Variants in CASK observed in about 807,000 individuals in gnomAD.
The protein encoded by CASK is peripheral plasma membrane protein CASK.
A neutral mutation model predicts 82.9 loss-of-function variants in CASK; 4 were observed. The observed-to-expected ratio is 0.05, with a 90% confidence interval of 0.02 to 0.11. The LOEUF is 0.11. Among genes scored for constraint, CASK ranks in the 10% least tolerant of loss-of-function variants. The pLI is 1.00. For missense variants in CASK, 358 were observed against 720.9 expected, an observed-to-expected ratio of 0.50 and a Z score of 5.76; for synonymous variants, 259 against 253.5, an observed-to-expected ratio of 1.02 and a Z score of -0.20.
intron 20 of CASK, among the ~76,000 whole-genome samples, chrX:41,554,699 ATTATT>A (rs930959743): frequency 9.0e-6 from 1 of 111,653 alleles, no homozygotes; most frequent in African/African-American, 3.3e-5. Context: ...CATTTTATGA[ATTATT>A]TTATTTTTTA....
At chrX:41,794,910 G>A (rs1318326622) in intron 2 of CASK, among the ~76,000 whole-genome samples, 3 of 112,226 alleles carry the variant, frequency 2.7e-5, no homozygotes, top group Non-Finnish European at 5.6e-5. Context: ...ACAAGGACAC[G>A]TTGACAGGAT....
chrX:41,759,056 A>G (rs1363691544), intron 3 of CASK, among the ~76,000 whole-genome samples: 4 of 112,019 alleles, frequency 3.6e-5, no homozygotes, highest in African/African-American at 1.3e-4. Flanking sequence ...AGTTTTTTCA[A>G]TTTTTGTTAA....
intron 8 of CASK, among the ~76,000 whole-genome samples, chrX:41,654,520 A>C (rs1165546382): frequency 9.1e-6 from 1 of 110,140 alleles, no homozygotes; most frequent in Admixed American, 9.7e-5. Flanking sequence ...AAAATACAAA[A>C]AAATTAGCCA....
chrX:41,802,263 AG>A lies in CASK; in HGVS notation c.173-14981del, dbSNP rs201384021. ...ATAATAGTTTAAAAGAAAAACATTC[AG>A]AAAAAAGTCCTTGAAAATAAAAAAT... On this transcript the variant is annotated intron_variant, in intron 2 of 26. Coordinates refer to ENST00000378163, the MANE Select transcript of CASK (RefSeq NM_001367721.1). Among the ~76,000 whole-genome samples the A allele has an allele frequency of 6.3e-4, 71 of 111,855 alleles. 1 individual carries two copies. In the East Asian group the frequency reaches 0.019, roughly 30 times the overall value.
At chrX:41,603,737 ACAG>A (rs1392887887) in intron 12 of CASK, among the ~76,000 whole-genome samples, 1 of 112,051 alleles carries the variant, frequency 8.9e-6, no homozygotes, top group African/African-American at 3.2e-5. Flanking sequence ...TACTATGGAA[ACAG>A]CAGTGCGTAA....
At chrX:41,600,539 A>G (rs962865479) in intron 12 of CASK, among the ~76,000 whole-genome samples, 1 of 112,421 alleles carries the variant, frequency 8.9e-6, no homozygotes, top group Admixed American at 9.4e-5. Flanking sequence ...TAAAAAGAGA[A>G]TGGCACTCAG....
At chrX:41,746,556 T>G (rs192203057) in intron 3 of CASK, among the ~76,000 whole-genome samples, 6 of 111,112 alleles carry the variant, frequency 5.4e-5, no homozygotes, top group African/African-American at 2.0e-4. Context: ...AATTTTGCCA[T>G]ATTATACATA....
chrX:41,780,504 A>G (rs772351322), intron 3 of CASK, among the ~76,000 whole-genome samples: 20 of 111,799 alleles, frequency 1.8e-4, no homozygotes, highest in Non-Finnish European at 2.1e-4. Context: ...AACAAGTTTT[A>G]TACCGGATTT....
At chrX:41,842,927 G>C (rs2071074594) in intron 2 of CASK, among the ~76,000 whole-genome samples, 1 of 111,726 alleles carries the variant, frequency 9.0e-6, no homozygotes, top group African/African-American at 3.3e-5. Flanking sequence ...TTTTGATGCT[G>C]TGGTAAATGG....
intron 2 of CASK, among the ~76,000 whole-genome samples, chrX:41,836,683 A>T (rs1337022637): frequency 9.0e-6 from 1 of 111,710 alleles, no homozygotes; most frequent in Non-Finnish European, 1.9e-5. Context: ...ACTGTTCTGG[A>T]AGCATATTCT....
At chrX:41,763,599 C>G (rs981285311) in intron 3 of CASK, among the ~76,000 whole-genome samples, 3 of 111,418 alleles carry the variant, frequency 2.7e-5, no homozygotes, top group Non-Finnish European at 5.7e-5. Context: ...GTGGTCGAGG[C>G]TGCAGTGAGC....
intron 15 of CASK, among the ~76,000 whole-genome samples, chrX:41,573,839 G>T (rs747263427): frequency 3.1e-4 from 34 of 111,470 alleles, no homozygotes; most frequent in African/African-American, 1.0e-3. Context: ...TGATCCTTTG[G>T]GTCTTGCGTT....
chrX:41,727,795 C>G, intron 5 of CASK: 1 of 1,202,490 alleles, frequency 8.3e-7, no homozygotes, highest in Non-Finnish European at 1.1e-6. Flanking sequence ...CATCCAGATT[C>G]TACTAATAGT....
At chrX:41,540,356 T>C (rs1236107529) in intron 22 of CASK, among the ~76,000 whole-genome samples, 1 of 112,247 alleles carries the variant, frequency 8.9e-6, no homozygotes, top group Non-Finnish European at 1.9e-5. Context: ...CTGCCTTCTA[T>C]GTCAAGGGTG....
intron 1 of CASK, among the ~76,000 whole-genome samples, chrX:41,917,644 G>A (rs940929026): frequency 3.0e-4 from 34 of 112,025 alleles, no homozygotes; most frequent in African/African-American, 1.0e-3. Flanking sequence ...AACTGCGTAT[G>A]TCAAGTACAT....
In CASK at chrX:41,515,552, C is replaced by T. The variant is rs2064533548; in HGVS notation, c.*4868G>A. On this transcript the variant is annotated 3_prime_UTR_variant, in exon 27 of 27. Transcript: ENST00000378163. ...TAAACACGATACTCGGGTCTTAGCA[C>T]GTGAGGATTGGGCGGCCTTCACATC... is the stretch of plus-strand genomic sequence containing the variant. The T allele has an allele frequency of 1.8e-5, 2 of 112,121 alleles. No individual in the cohort carries two copies. Among genetic ancestry groups the T allele is most frequent in the Non-Finnish European group, 3.8e-5 (2 of 53,211 alleles). The allele number at this position is 112,121 out of a possible 1,213,427, so 9.2% of individuals were successfully genotyped here.
chrX:41,885,165 G>C (rs2072026428), intron 1 of CASK, among the ~76,000 whole-genome samples: 1 of 111,883 alleles, frequency 8.9e-6, no homozygotes, highest in African/African-American at 3.3e-5. Context: ...TTCAGGCATG[G>C]TTAATCAATT....
At chrX:41,684,095 CGT>C in intron 5 of CASK, among the ~76,000 whole-genome samples, 1 of 112,029 alleles carries the variant, frequency 8.9e-6, no homozygotes, top group South Asian at 3.7e-4. Context: ...TTTTCATTAT[CGT>C]AACTGATTCA....
At chrX:41,799,949 T>G (rs1369086506) in intron 2 of CASK, among the ~76,000 whole-genome samples, 1 of 107,889 alleles carries the variant, frequency 9.3e-6, no homozygotes, top group African/African-American at 3.4e-5. Flanking sequence ...GGCTCCATGC[T>G]GTGGAAGGCC....
Sources: allele counts gnomAD v4.1 joint callset (sites outside exome capture counted in the v4.1 genomes callset), GRCh38; gene constraint gnomAD v4.1.1; transcripts MANE v1.5; gene names NCBI Gene and HGNC (gene_info 2026-07-23, HGNC 2026-07-21).